The following TRAPPC9 variants were observed in gnomAD, a reference collection of about 807,000 sequenced individuals.
TRAPPC9 encodes IKK2 binding protein.
A neutral mutation model predicts 124.0 loss-of-function variants in TRAPPC9; 83 were observed. The observed-to-expected ratio is 0.67, with a 90% CI of 0.56 to 0.80. The LOEUF is 0.80. Among genes scored for constraint, TRAPPC9 ranks in the 30% least tolerant of loss-of-function variants. The probability of loss-of-function intolerance (pLI) is 0.00; values close to 1 mark genes in which losing one functional copy is unlikely to be tolerated. For synonymous variants in TRAPPC9, 638 were observed against 617.5 expected, an observed-to-expected ratio of 1.03 and a Z score of -0.49; for missense variants, 1,302 against 1,508.3, an observed-to-expected ratio of 0.86 and a Z score of 2.27.
At chr8:140,158,583 C>G (rs906545792) in intron 17 of TRAPPC9, among the ~76,000 whole-genome samples, 5 of 152,250 alleles carry the variant, frequency 3.3e-5, no homozygotes, top group Non-Finnish European at 5.9e-5. Context: ...GTATCTCTTA[C>G]AGCAGCAATA....
At chr8:140,144,464 T>TTTCATTCATTCATTCA (rs67174670) in intron 17 of TRAPPC9, among the ~76,000 whole-genome samples, 3 of 150,392 alleles carry the variant, frequency 2.0e-5, no homozygotes, top group Non-Finnish European at 3.0e-5. Flanking sequence ...CTATTTTTCT[T>TTTCATTCATTCATTCA]TTCATTCATT....
At chr8:139,752,894 TCCAC>T (rs1819431405) in intron 21 of TRAPPC9, among the ~76,000 whole-genome samples, 1 of 139,314 alleles carries the variant, frequency 7.2e-6, no homozygotes, top group Non-Finnish European at 1.5e-5. Context: ...CATCCATCCA[TCCAC>T]CCATCTAGCA....
At chr8:139,767,591 A>G (rs2130413537) in intron 21 of TRAPPC9, among the ~76,000 whole-genome samples, 1 of 152,338 alleles carries the variant, frequency 6.6e-6, no homozygotes, top group African/African-American at 2.4e-5. Context: ...GAGGGAACAG[A>G]TGAACCAAGG....
intron 17 of TRAPPC9, among the ~76,000 whole-genome samples, chr8:140,118,363 T>A (rs1412190965): frequency 6.6e-6 from 1 of 152,252 alleles, no homozygotes; most frequent in Non-Finnish European, 1.5e-5. Flanking sequence ...TGAATGAACG[T>A]CTACCATTTC....
chr8:139,744,090 C>T (rs867021982), intron 21 of TRAPPC9, among the ~76,000 whole-genome samples: 2 of 152,262 alleles, frequency 1.3e-5, no homozygotes, highest in Non-Finnish European at 2.9e-5. Flanking sequence ...TGAACACGCA[C>T]TCACAGCCTC....
At chr8:140,159,936 G>A (rs141364880) in intron 17 of TRAPPC9, among the ~76,000 whole-genome samples, 2,093 of 152,152 alleles carry the variant, frequency 0.014, 21 homozygotes, top group Non-Finnish European at 0.022. Context: ...AATCTACAAC[G>A]AACTTAAACA....
intron 20 of TRAPPC9, among the ~76,000 whole-genome samples, chr8:139,906,149 A>G (rs967442720): frequency 1.3e-5 from 2 of 152,218 alleles, no homozygotes; most frequent in Non-Finnish European, 2.9e-5. Flanking sequence ...TACCTAACCC[A>G]TTAGCTCATC....
At chr8:140,369,030 C>T (rs1054049026) in intron 8 of TRAPPC9, among the ~76,000 whole-genome samples, 1 of 152,210 alleles carries the variant, frequency 6.6e-6, no homozygotes, top group Non-Finnish European at 1.5e-5. Flanking sequence ...GCTGCTTTCA[C>T]ACCACAACAG....
intron 19 of TRAPPC9, among the ~76,000 whole-genome samples, chr8:139,951,065 AC>A (rs1476388272): frequency 6.6e-6 from 1 of 152,050 alleles, no homozygotes; most frequent in Non-Finnish European, 1.5e-5. Context: ...CCACCTCCCC[AC>A]CTGTGACACA....
intron 17 of TRAPPC9, among the ~76,000 whole-genome samples, chr8:140,152,284 T>C (rs2130833425): frequency 6.7e-6 from 1 of 148,940 alleles, no homozygotes; most frequent in Admixed American, 6.7e-5. Flanking sequence ...AGCTTGTCAA[T>C]TTCTACCAAA....
intron 18 of TRAPPC9, 59 bp from the exon 19 acceptor site, chr8:139,988,895 C>T: frequency 1.7e-6 from 2 of 1,177,674 alleles, no homozygotes; most frequent in South Asian, 2.6e-5. Context: ...GAATGACTTT[C>T]CCTTTTTCTC....
At chr8:139,801,574 G>A (rs1823531114) in intron 21 of TRAPPC9, among the ~76,000 whole-genome samples, 1 of 152,234 alleles carries the variant, frequency 6.6e-6, no homozygotes, top group African/African-American at 2.4e-5. Context: ...AATGCCAGGA[G>A]CTGTAACCTA....
At chr8:140,048,275 TC>T (rs1317758891) in intron 17 of TRAPPC9, among the ~76,000 whole-genome samples, 2 of 152,170 alleles carry the variant, frequency 1.3e-5, no homozygotes, top group Non-Finnish European at 2.9e-5. Flanking sequence ...CAATCAATTG[TC>T]ATAAACAGGA....
intron 21 of TRAPPC9, among the ~76,000 whole-genome samples, chr8:139,823,622 T>C (rs1306634415): frequency 6.6e-6 from 1 of 152,100 alleles, no homozygotes; most frequent in East Asian, 1.9e-4. Context: ...GGAAGAGGGA[T>C]GCACGGGGGT....
chr8:140,348,947 G>A (rs1246867238), intron 9 of TRAPPC9, among the ~76,000 whole-genome samples: 3 of 152,042 alleles, frequency 2.0e-5, no homozygotes, highest in Non-Finnish European at 2.9e-5. Flanking sequence ...AGAAAGCACC[G>A]TGTAGAGGAA....
At chr8:139,751,476 C>T (rs1364009837) in intron 21 of TRAPPC9, among the ~76,000 whole-genome samples, 3 of 152,176 alleles carry the variant, frequency 2.0e-5, no homozygotes, top group Non-Finnish European at 4.4e-5. Context: ...GCTTCCAATA[C>T]TAGCTTGTGG....
At chr8:139,943,720 A>C (rs1446539052) in intron 19 of TRAPPC9, among the ~76,000 whole-genome samples, 4 of 152,262 alleles carry the variant, frequency 2.6e-5, no homozygotes, top group Non-Finnish European at 5.9e-5. Flanking sequence ...ATTACTTTAA[A>C]AAGTGGAAAA....
chr8:140,075,192 G>A (rs982766420), intron 17 of TRAPPC9, among the ~76,000 whole-genome samples: 18 of 152,224 alleles, frequency 1.2e-4, no homozygotes, highest in Middle Eastern at 3.4e-3. Flanking sequence ...TAGGCCCTGC[G>A]TCTTATAAAA....
intron 21 of TRAPPC9, among the ~76,000 whole-genome samples, chr8:139,858,038 C>T (rs1397533878): frequency 6.6e-6 from 1 of 152,198 alleles, no homozygotes; most frequent in Non-Finnish European, 1.5e-5. Context: ...TCCAAAAAGG[C>T]TACTCGAAGG....
Sources: allele counts gnomAD v4.1 joint callset (sites outside exome capture counted in the v4.1 genomes callset), GRCh38; gene constraint gnomAD v4.1.1; transcripts MANE v1.5; gene names NCBI Gene and HGNC (gene_info 2026-07-23, HGNC 2026-07-21).